The following UTRN variants were observed in gnomAD, a reference collection of about 807,000 sequenced individuals.
UTRN encodes the protein dystrophin-related protein 1.
In UTRN, 283 loss-of-function variants were observed where a neutral mutation model predicts 463.9. The ratio of observed to expected loss-of-function variants is 0.61; its 90% CI spans 0.55 to 0.67. UTRN has a LOEUF of 0.67. Ranked by LOEUF, UTRN falls within the 30% of genes least tolerant of loss-of-function variation. The pLI is 0.00. For missense variants in UTRN, 3,922 were observed against 4,084.3 expected, an observed-to-expected ratio of 0.96 and a Z score of 1.08; for synonymous variants, 1,442 against 1,431.5, an observed-to-expected ratio of 1.01 and a Z score of -0.17.
At chr6:144,444,450 T>C (rs1296852179) in intron 14 of UTRN, 68 bp downstream of exon 14, 15 of 1,204,202 alleles carry the variant, frequency 1.2e-5, no homozygotes, top group Non-Finnish European at 1.7e-5. Flanking sequence ...ATTGTGACTT[T>C]AGAATAAAGT....
intron 53 of UTRN, among the ~76,000 whole-genome samples, chr6:144,717,408 T>C (rs1217844273): frequency 6.6e-6 from 1 of 152,184 alleles, no homozygotes; most frequent in African/African-American, 2.4e-5. Flanking sequence ...TTAGTGTGTG[T>C]GATGTCATCT....
intron 44 of UTRN, 24 bp downstream of exon 44, chr6:144,537,741 A>G: frequency 6.2e-7 from 1 of 1,604,034 alleles, no homozygotes; most frequent in Non-Finnish European, 8.5e-7. Context: ...TTCTGTCTAT[A>G]TGCCTTTTGG....
intron 51 of UTRN, among the ~76,000 whole-genome samples, chr6:144,620,171 G>A (rs182235995): frequency 2.3e-4 from 35 of 152,228 alleles, no homozygotes; most frequent in Admixed American, 7.2e-4. Context: ...TCATTGTGAT[G>A]GCCATGATTG....
At chr6:144,637,146 T>A (rs977921100) in intron 51 of UTRN, among the ~76,000 whole-genome samples, 6 of 152,280 alleles carry the variant, frequency 3.9e-5, no homozygotes, top group Admixed American at 3.9e-4. Flanking sequence ...TTTTTTGTAT[T>A]TTTGGTAGAG....
At position 144,789,362 on chromosome 6, in the gene UTRN, ATT is replaced by A. The variant is rs1317251377; in HGVS notation, c.8920+85_8920+86del. ...ATTTATTGGAAACTTAAATTATATA[ATT>A]TGTTAGTAGTAATAGTTCTCTCTCT... On this transcript the variant is annotated intron_variant, in intron 62 of 74. Transcript: ENST00000367545. 16 of 1,178,810 alleles carry A rather than the reference ATT, an allele frequency of 1.4e-5. No individual in the cohort carries two copies. The South Asian group carries it at 2.1e-4, about 15-fold the overall frequency. The allele number at this position is 1,178,810 out of a possible 1,614,324, so 73.0% of individuals were successfully genotyped here.
chr6:144,810,868 T>G (rs984429680), intron 65 of UTRN, among the ~76,000 whole-genome samples: 1 of 152,126 alleles, frequency 6.6e-6, no homozygotes, highest in African/African-American at 2.4e-5. Flanking sequence ...AAAAAATACC[T>G]CAATGAGAAA....
chr6:144,423,121 T>C (rs1199198557), intron 4 of UTRN, among the ~76,000 whole-genome samples: 1 of 152,202 alleles, frequency 6.6e-6, no homozygotes. Flanking sequence ...TCTAAAATCC[T>C]TCTGCAGCCA....
rs1786837954 is a variant in UTRN, at chr6:144,438,792, TCTCCGCC to T, written c.1290_1296del (p.Ser431GlyfsTer2). ...CTGCAGAAGAAGCAACTGCAGCAGCTCTCCGCCTGGTTAACACTCACAGAGGAGCGCA... is the reference window on the plus strand; with the variant it reads ...CTGCAGAAGAAGCAACTGCAGCAGCTTGGTTAACACTCACAGAGGAGCGCA... On this transcript the variant is annotated frameshift_variant, in exon 12 of 75. Coordinates refer to ENST00000367545, the MANE Select transcript of UTRN (RefSeq NM_007124.3). LOFTEE classifies it high-confidence loss of function. 1.2e-6 allele frequency: 2 copies of T among 1,614,066 alleles called. No individual in the cohort carries two copies. Among genetic ancestry groups the T allele is most frequent in the African/African-American group, 2.7e-5 (2 of 74,926 alleles).
At position 144,678,439 on chromosome 6, in the gene UTRN, A is replaced by T; in HGVS notation, c.7513A>T (p.Ile2505Leu). The change falls in exon 52 of 75, where the codon ATA (isoleucine) becomes TTA (leucine). Residue 2505 changes from isoleucine (I) to leucine (L), a missense_variant. Coordinates refer to ENST00000367545, the MANE Select transcript of UTRN (RefSeq NM_007124.3). Reference protein sequence around the residue: ...IQAEIDAHNDIFKSIDGNRQK... With the variant: ...IQAEIDAHNDLFKSIDGNRQK... The stretch of plus-strand genomic sequence containing the variant: ...GGCAGAAATTGATGCCCACAATGAC[A>T]TATTTAAAAGCATTGACGGAAACAG... The T allele has an allele frequency of 6.2e-7, 1 of 1,613,134 alleles. No homozygotes were observed. The highest frequency in any genetic ancestry group is 8.5e-7 in the Non-Finnish European group (1 of 1,179,420).
chr6:144,712,818 G>T (rs1785883174), intron 53 of UTRN, among the ~76,000 whole-genome samples: 2 of 152,208 alleles, frequency 1.3e-5, no homozygotes, highest in African/African-American at 4.8e-5. Context: ...AGATGCTTTT[G>T]AGCTGAAAGA....
At chr6:144,753,398 T>A (rs1252036365) in intron 56 of UTRN, among the ~76,000 whole-genome samples, 1 of 152,094 alleles carries the variant, frequency 6.6e-6, no homozygotes, top group East Asian at 1.9e-4. Flanking sequence ...GAGGGTTGCT[T>A]GAGGTCAGAA....
rs757818203 is a variant in UTRN, at chr6:144,557,262, A to G, written c.7240A>G (p.Lys2414Glu). ...EYGSDDTRNV[K>E]ETTEYLKTSW... ...TGGGAGTGATGACACAAGGAATGTGAAAGAAACCACAGAGTACTTAAAAAC... is the reference window on the plus strand; with the variant it reads ...TGGGAGTGATGACACAAGGAATGTGGAAGAAACCACAGAGTACTTAAAAAC... The change falls in exon 50 of 75, where the codon AAA becomes GAA. Residue 2414 changes from lysine to glutamate, a missense_variant. Physicochemically the swap from Lys to Glu is moderately conservative, Grantham distance 56. Transcript: ENST00000367545. 9 of 1,613,838 alleles carry G rather than the reference A, an allele frequency of 5.6e-6. No homozygotes were observed. Among genetic ancestry groups the G allele is most frequent in the Non-Finnish European group, 7.6e-6 (9 of 1,179,896 alleles).
At chr6:144,791,842 T>C (rs1477863992) in intron 62 of UTRN, among the ~76,000 whole-genome samples, 1 of 152,228 alleles carries the variant, frequency 6.6e-6, no homozygotes, top group Admixed American at 6.5e-5. Context: ...AGTGGCATAG[T>C]GGTATAGCCA....
At chr6:144,480,616 T>C (rs1360499232) in intron 26 of UTRN, among the ~76,000 whole-genome samples, 1 of 152,182 alleles carries the variant, frequency 6.6e-6, no homozygotes, top group African/African-American at 2.4e-5. Context: ...CTTGTACTCC[T>C]CTGTCGATAG....
chr6:144,799,572 G>A, intron 64 of UTRN: 1 of 459,300 alleles, frequency 2.2e-6, no homozygotes, highest in Non-Finnish European at 4.5e-6. Context: ...CTGGAATGTG[G>A]CAAGGTCAGT....
intron 73 of UTRN, among the ~76,000 whole-genome samples, chr6:144,846,171 G>A (rs1781996196): frequency 6.6e-6 from 1 of 152,210 alleles, no homozygotes; most frequent in Non-Finnish European, 1.5e-5. Context: ...ACTGTTATGG[G>A]CTCTGGAACC....
At position 144,830,360 on chromosome 6, in the gene UTRN, T is replaced by C. The variant is rs145711925; in HGVS notation, c.9665+1505T>C. On this transcript the variant is annotated intron_variant, in intron 69 of 74. Transcript: ENST00000367545. ...CCAACAGACAGTTGTTATTAATATA[T>C]ACCTACCATGTAATGGTATGCTGGA... 1.3e-3 allele frequency among the ~76,000 whole-genome samples: 202 copies of C among 152,292 alleles called. 1 individual carries two copies. Among genetic ancestry groups the C allele is most frequent in the African/African-American group, 4.7e-3 (195 of 41,576 alleles).
chr6:144,620,178 A>G (rs1775202116), intron 51 of UTRN, among the ~76,000 whole-genome samples: 1 of 152,180 alleles, frequency 6.6e-6, no homozygotes, highest in Non-Finnish European at 1.5e-5. Flanking sequence ...GATGGCCATG[A>G]TTGCAGAATG....
chr6:144,736,123 T>C (rs1789366698), intron 54 of UTRN, among the ~76,000 whole-genome samples: 1 of 152,324 alleles, frequency 6.6e-6, no homozygotes, highest in South Asian at 2.1e-4. Flanking sequence ...TAACAATGGC[T>C]GGTTTTACTT....
Sources: gnomAD v4.1 joint callset for allele counts (sites outside exome capture counted in the v4.1 genomes callset) on GRCh38, gnomAD v4.1.1 for gene constraint, MANE v1.5 for transcripts, NCBI Gene and HGNC (gene_info 2026-07-23, HGNC 2026-07-21) for gene names.